The following TMEM245 variants were observed in gnomAD, a reference collection of about 807,000 sequenced individuals.
TMEM245 encodes the protein transmembrane protein 245, also known as protein CG-2.
Under a neutral mutation model 101.2 loss-of-function variants are expected in TMEM245, and 69 were observed. The observed-to-expected ratio is 0.68, with a 90% CI of 0.56 to 0.83. TMEM245 has a LOEUF of 0.83. Ranked by LOEUF, TMEM245 falls within the 40% of genes least tolerant of loss-of-function variation. The pLI is 0.00. For missense variants in TMEM245, 1,075 were observed against 1,092.8 expected, an observed-to-expected ratio of 0.98 and a Z score of 0.23; for synonymous variants, 537 against 449.8, an observed-to-expected ratio of 1.19 and a Z score of -2.45.
intron 17 of TMEM245, among the ~76,000 whole-genome samples, chr9:109,031,921 G>C (rs1476366907): frequency 1.3e-5 from 2 of 152,028 alleles, no homozygotes; most frequent in African/African-American, 4.8e-5. Context: ...ACTCTATATT[G>C]GTGTCCCAAA....
chr9:109,061,081 T>C (rs1828997254), intron 10 of TMEM245, among the ~76,000 whole-genome samples: 2 of 152,188 alleles, frequency 1.3e-5, no homozygotes, highest in Admixed American at 6.5e-5. Context: ...TTTCAGAGGC[T>C]GAGGTGGGCA....
intron 12 of TMEM245, among the ~76,000 whole-genome samples, chr9:109,055,251 G>A (rs941414159): frequency 1.3e-5 from 2 of 152,144 alleles, no homozygotes; most frequent in Non-Finnish European, 2.9e-5. Flanking sequence ...GAATTTTTGG[G>A]GAAAGCAAAC....
Position 109,020,388 on chromosome 9 carries a change from G to T in TMEM245, c.*72C>A. On this transcript the variant is annotated 3_prime_UTR_variant, in exon 18 of 18. Coordinates refer to ENST00000374586, the MANE Select transcript of TMEM245 (RefSeq NM_032012.4). ...CTTGCTAGGCACAGCTGGAAGGGCA[G>T]AGGGCCACAGCTGAGCTGAACTCGC... The T allele has an allele frequency of 6.8e-7, 1 of 1,469,178 alleles. No individual in the cohort carries two copies. Among genetic ancestry groups the T allele is most frequent in the Non-Finnish European group, 9.5e-7 (1 of 1,047,764 alleles). The allele number at this position is 1,469,178 out of a possible 1,614,324, so 91.0% of individuals were successfully genotyped here.
rs1394169258 is a variant in TMEM245 at position 109,017,633 on chromosome 9, T to C, written c.*2827A>G. ...TTTAATAAATCTATAAAATGCAAGA[T>C]ATTATGACCAAGTTCTGTACTCCGT... On this transcript the variant is annotated 3_prime_UTR_variant, in exon 18 of 18. Transcript: ENST00000374586. The C allele has an allele frequency of 6.6e-6, 1 of 152,234 alleles. No individual in the cohort carries two copies. Among genetic ancestry groups the C allele is most frequent in the African/African-American group, 2.4e-5 (1 of 41,456 alleles). 9.4% of individuals were successfully genotyped at this position (152,234 alleles called of 1,614,324 possible). A position where few individuals can be genotyped will look rare whatever the true frequency, so the allele number is the denominator to read the frequency against.
chr9:109,115,913 A>G (rs1390001129), intron 1 of TMEM245, among the ~76,000 whole-genome samples: 2 of 152,228 alleles, frequency 1.3e-5, no homozygotes, highest in Non-Finnish European at 2.9e-5. Flanking sequence ...CAGAGTTTTG[A>G]TAACAGCAGG....
In TMEM245 at chr9:109,057,611, C is replaced by T. The variant is rs144255239; in HGVS notation, c.1723-289G>A. ...ACTAAAAATACAAAAATTAGCCAGG[C>T]GTGGTGGCACGTGCCTGTAATCCCA... On this transcript the variant is annotated intron_variant, in intron 11 of 17. Transcript: ENST00000374586. 2.0e-3 allele frequency among the ~76,000 whole-genome samples: 297 copies of T among 152,030 alleles called. 3 individuals are homozygous for T. Among genetic ancestry groups the T allele is most frequent in the African/African-American group, 6.5e-3 (269 of 41,472 alleles).
At chr9:109,118,499 T>G (rs1232673920) in intron 1 of TMEM245, among the ~76,000 whole-genome samples, 1 of 152,252 alleles carries the variant, frequency 6.6e-6, no homozygotes, top group East Asian at 1.9e-4. Flanking sequence ...CAATATAGTC[T>G]GAGTTAGGAA....
intron 1 of TMEM245, among the ~76,000 whole-genome samples, chr9:109,110,374 G>C (rs1172356791): frequency 6.6e-6 from 1 of 152,138 alleles, no homozygotes; most frequent in African/African-American, 2.4e-5. Flanking sequence ...TTTCAGAGAA[G>C]TGACTTGCCC....
chr9:109,042,641 T>A (rs866304542), intron 14 of TMEM245, among the ~76,000 whole-genome samples: 3 of 152,062 alleles, frequency 2.0e-5, no homozygotes, highest in Non-Finnish European at 2.9e-5. Context: ...TGCCTTTGTT[T>A]TCTAATAAAA....
In TMEM245 at chr9:109,083,901, C is replaced by CAAAAAAAAAAAAAAAAAAAAAAAAA. The variant is rs751739620; in HGVS notation, c.1344+2071_1344+2095dup. On this transcript the variant is annotated intron_variant, in intron 7 of 17. Transcript: ENST00000374586. ...CAAAACCCCATCTCTACTAAAAATACAAAAAAAAAAAAAAAAAAAAAAAAA... is the reference window on the plus strand; with the variant it reads ...CAAAACCCCATCTCTACTAAAAATACAAAAAAAAAAAAAAAAAAAAAAAAAAAAAAAAAAAAAAAAAAAAAAAAAA... 5.2e-4 allele frequency among the ~76,000 whole-genome samples: 18 copies of CAAAAAAAAAAAAAAAAAAAAAAAAA among 34,470 alleles called. 2 individuals carry two copies. The highest frequency in any genetic ancestry group is 1.4e-3 in the East Asian group (1 of 722). The allele number at this position is 34,470 out of a possible 152,430, so 22.6% of individuals were successfully genotyped here.
At chr9:109,090,638 G>T (rs1829971856) in intron 5 of TMEM245, among the ~76,000 whole-genome samples, 1 of 151,368 alleles carries the variant, frequency 6.6e-6, no homozygotes, top group Admixed American at 6.6e-5. Context: ...GCAGGAGAAT[G>T]GCATGAACCT....
chr9:109,096,571 C>T (rs1830146637), intron 3 of TMEM245, among the ~76,000 whole-genome samples: 1 of 152,186 alleles, frequency 6.6e-6, no homozygotes, highest in African/African-American at 2.4e-5. Flanking sequence ...CAAGACTTAG[C>T]TTTGCAGCAG....
chr9:109,043,367 T>G (rs910179540), intron 14 of TMEM245, among the ~76,000 whole-genome samples: 1 of 152,164 alleles, frequency 6.6e-6, no homozygotes, highest in African/African-American at 2.4e-5. Flanking sequence ...ACCCTTCCCT[T>G]TGTAACTGCT....
At chr9:109,050,531 G>C in intron 13 of TMEM245, 39 bp downstream of exon 13, 1 of 1,613,462 alleles carries the variant, frequency 6.2e-7, no homozygotes, top group Non-Finnish European at 8.5e-7. Flanking sequence ...GCTTTAACAG[G>C]GAAGGAAATA....
At chr9:109,045,699 T>A (rs1564177218) in intron 14 of TMEM245, among the ~76,000 whole-genome samples, 1 of 152,196 alleles carries the variant, frequency 6.6e-6, no homozygotes, top group African/African-American at 2.4e-5. Context: ...AATGAGAAAG[T>A]AAAAGACACA....
chr9:109,074,816 G>A (rs1829447243), intron 8 of TMEM245, among the ~76,000 whole-genome samples: 1 of 152,130 alleles, frequency 6.6e-6, no homozygotes, highest in Non-Finnish European at 1.5e-5. Context: ...ATTCTATCGG[G>A]CCCCAGAAAA....
At chr9:109,104,350 TA>T (rs1193404773) in intron 3 of TMEM245, among the ~76,000 whole-genome samples, 2 of 151,654 alleles carry the variant, frequency 1.3e-5, no homozygotes, top group Admixed American at 6.6e-5. Context: ...AATTTAAAAT[TA>T]AAAAAAACAC....
chr9:109,113,215 A>C (rs1312082219), intron 1 of TMEM245, among the ~76,000 whole-genome samples: 1 of 152,278 alleles, frequency 6.6e-6, no homozygotes, highest in Non-Finnish European at 1.5e-5. Context: ...ATATCCTTTA[A>C]AATAACAAAA....
intron 14 of TMEM245, among the ~76,000 whole-genome samples, chr9:109,039,957 A>T (rs141409793): frequency 6.6e-6 from 1 of 152,314 alleles, no homozygotes; most frequent in African/African-American, 2.4e-5. Flanking sequence ...ATTTAAGCCA[A>T]AAATAAGTTG....
Sources: gnomAD v4.1 joint callset for allele counts (sites outside exome capture counted in the v4.1 genomes callset) on GRCh38, gnomAD v4.1.1 for gene constraint, MANE v1.5 for transcripts, NCBI Gene and HGNC (gene_info 2026-07-23, HGNC 2026-07-21) for gene names.